PGAP4: variants seen among roughly 807,000 people sequenced by gnomAD.
The protein encoded by PGAP4 is post-GPI attachment to proteins GalNAc transferase 4.
PGAP4 carries 12 observed loss-of-function variants against 28.2 expected under a neutral mutation model. The ratio of observed to expected loss-of-function variants is 0.42; its 90% confidence interval spans 0.27 to 0.69. The LOEUF (loss-of-function observed/expected upper bound fraction) is 0.69. Ranked by LOEUF, PGAP4 falls within the 30% of genes least tolerant of loss-of-function variation. The pLI, the probability that PGAP4 is intolerant of heterozygous loss-of-function variation, is 0.22. For missense variants in PGAP4, 425 were observed against 513.5 expected, an observed-to-expected ratio of 0.83 and a Z score of 1.67; for synonymous variants, 205 against 211.8, an observed-to-expected ratio of 0.97 and a Z score of 0.28.
intron 2 of PGAP4, among the ~76,000 whole-genome samples, chr9:101,507,251 C>T (rs1826855623): frequency 6.6e-6 from 1 of 151,934 alleles, no homozygotes; most frequent in African/African-American, 2.4e-5. Context: ...AGGAGGTATC[C>T]CAACAGGACT....
At chr9:101,527,331 C>T (rs371565233) in intron 2 of PGAP4, among the ~76,000 whole-genome samples, 2 of 152,248 alleles carry the variant, frequency 1.3e-5, no homozygotes, top group East Asian at 3.9e-4. Flanking sequence ...GATTCCTGGC[C>T]GTATACTACT....
intron 2 of PGAP4, among the ~76,000 whole-genome samples, chr9:101,527,831 T>A (rs898526032): frequency 6.6e-6 from 1 of 152,210 alleles, no homozygotes; most frequent in Non-Finnish European, 1.5e-5. Flanking sequence ...GTTTTGCTAA[T>A]ATTAAGGCCC....
intron 2 of PGAP4, among the ~76,000 whole-genome samples, chr9:101,513,989 A>G (rs1826920709): frequency 6.6e-6 from 1 of 150,904 alleles, no homozygotes. Flanking sequence ...GGAGAGGGTA[A>G]GAGAAAGTTC....
At chr9:101,479,553 G>T (rs1293300590) in intron 1 of PGAP4, among the ~76,000 whole-genome samples, 1 of 152,154 alleles carries the variant, frequency 6.6e-6, no homozygotes, top group Non-Finnish European at 1.5e-5. Flanking sequence ...TCCTACTGGG[G>T]ACAATAAAAT....
intron 1 of PGAP4, among the ~76,000 whole-genome samples, chr9:101,484,826 T>C (rs1826576075): frequency 1.3e-5 from 2 of 152,160 alleles, no homozygotes; most frequent in African/African-American, 4.8e-5. Context: ...AAATGCAAAC[T>C]ATATCAGTGC....
At chr9:101,477,303 T>A in intron 1 of PGAP4, 134 bp from the exon 2 acceptor site, 2 of 539,628 alleles carry the variant, frequency 3.7e-6, no homozygotes, top group Non-Finnish European at 6.0e-6. Flanking sequence ...GCTCTGTAGC[T>A]TCTACAGACT....
chr9:101,512,255 T>C (rs752878441), intron 2 of PGAP4, among the ~76,000 whole-genome samples: 1 of 151,934 alleles, frequency 6.6e-6, no homozygotes, highest in South Asian at 2.1e-4. Flanking sequence ...AGCAAGATAA[T>C]CCTCACCCCG....
chr9:101,489,948 T>C (rs1826671712), upstream of PGAP4, among the ~76,000 whole-genome samples: 1 of 152,188 alleles, frequency 6.6e-6, no homozygotes, highest in Non-Finnish European at 1.5e-5. Flanking sequence ...TATTAATCGT[T>C]ACTATTACCC....
At chr9:101,499,653 G>T (rs77768111) in intron 2 of PGAP4, among the ~76,000 whole-genome samples, 1 of 152,030 alleles carries the variant, frequency 6.6e-6, no homozygotes, top group Non-Finnish European at 1.5e-5. Flanking sequence ...TTTTGCATAA[G>T]GTTGCAATGG....
intron 2 of PGAP4, among the ~76,000 whole-genome samples, chr9:101,516,370 T>C (rs181239941): frequency 8.5e-5 from 13 of 152,338 alleles, no homozygotes. Context: ...CTTCACCAGA[T>C]AGTTTAACAT....
chr9:101,489,180 C>T (rs1405019297), upstream of PGAP4: 2 of 152,004 alleles, frequency 1.3e-5, no homozygotes, highest in South Asian at 2.1e-4. Context: ...AGTCCATTCT[C>T]TTAATCAACA....
chr9:101,484,364 G>A (rs1406993795), intron 1 of PGAP4, among the ~76,000 whole-genome samples: 2 of 152,130 alleles, frequency 1.3e-5, no homozygotes, highest in African/African-American at 4.8e-5. Flanking sequence ...GATTTTTAGA[G>A]AATCATAAAA....
At position 101,530,121 on chromosome 9, in the gene PGAP4, A is replaced by G. The variant is rs181260872; in HGVS notation, c.-165+1227T>C. On this transcript the variant is annotated intron_variant, in intron 2 of 3. Coordinates refer to the PGAP4 transcript ENST00000374851. ...TTGTAAAGCAGTGTAGAAAAAAACA[A>G]TAAACAAAAATCCAAAATATCTTAA... is the stretch of plus-strand genomic sequence containing the variant. 2.6e-5 allele frequency among the ~76,000 whole-genome samples: 4 copies of G among 152,392 alleles called. No homozygotes were observed. The East Asian group carries it at 7.7e-4, about 29-fold the overall frequency.
chr9:101,507,454 T>C (rs543233712), intron 2 of PGAP4, among the ~76,000 whole-genome samples: 50 of 152,136 alleles, frequency 3.3e-4, no homozygotes, highest in Non-Finnish European at 6.5e-4. Context: ...TGCAGGTGTT[T>C]AGGTTTAGTT....
chr9:101,476,055 C>T lies in PGAP4; in HGVS notation c.1038G>A (p.Arg346=). ...ACACTTGGGACAGGTAGGTGAGGGT[C>T]CGGCGGGCCGCAGGTGCCGGGAAGA... is the stretch of plus-strand genomic sequence containing the variant. ...AMLFPAPAAR[R]TLTYLSQVYC... is the part of the protein sequence containing the mutation. The change falls in exon 2 of 2, where the codon CGG becomes CGA. Residue 346 remains arginine (R), a synonymous_variant. Transcript: ENST00000374848. This position sits in a 1 kb window ranked among gnomAD's most constrained non-coding sequence, Gnocchi z 7.0. The T allele has an allele frequency of 1.2e-6, 2 of 1,614,180 alleles. No homozygotes were observed. The highest frequency in any genetic ancestry group is 1.7e-6 in the Non-Finnish European group (2 of 1,180,036).
At position 101,476,571 on chromosome 9, in the gene PGAP4, A is replaced by G. The variant is rs1361743460; in HGVS notation, c.522T>C (p.Asp174=). The part of the protein sequence containing the change: ...VANRYEGTED[D]YGDDPSTNSF... ...AGTTGGTCGAAGGGTCATCACCATAATCATCCTCAGTGCCCTCATAGCGAT... is the reference window on the plus strand; with the variant it reads ...AGTTGGTCGAAGGGTCATCACCATAGTCATCCTCAGTGCCCTCATAGCGAT... Residue 174 remains aspartate, a synonymous_variant, in exon 2 of 2, where the codon GAT becomes GAC. Coordinates refer to ENST00000374848, the MANE Select transcript of PGAP4 (RefSeq NM_032342.3). The surrounding 1 kb of genome is among the most constrained non-coding windows in gnomAD (Gnocchi z 7.0). 2 of 1,613,984 alleles carry G rather than the reference A, an allele frequency of 1.2e-6. No homozygotes were observed. Among genetic ancestry groups the G allele is most frequent in the African/African-American group, 2.7e-5 (2 of 74,902 alleles).
intron 2 of PGAP4, among the ~76,000 whole-genome samples, chr9:101,504,982 C>G (rs976376041): frequency 6.6e-6 from 1 of 151,958 alleles, no homozygotes; most frequent in Non-Finnish European, 1.5e-5. Context: ...CTAGGTCACC[C>G]GCCAACCTCA....
rs535816868 is a variant in PGAP4 at position 101,525,586 on chromosome 9, AAT to A, written c.-165+5760_-165+5761del. On this transcript the variant is annotated intron_variant, in intron 2 of 3. Coordinates refer to the PGAP4 transcript ENST00000374851. ...GCCAGGTGTGGTGACAGGTGCCTGT[AAT>A]CTCAGCTACTCAGGAAGCTAAGGAA... Among the ~76,000 whole-genome samples the A allele has an allele frequency of 2.8e-3, 431 of 151,888 alleles. 8 individuals are homozygous for A. The highest frequency in any genetic ancestry group is 3.0e-3 in the Non-Finnish European group (204 of 67,944).
At chr9:101,510,726 G>C (rs539608028) in intron 2 of PGAP4, among the ~76,000 whole-genome samples, 1 of 152,250 alleles carries the variant, frequency 6.6e-6, no homozygotes. Flanking sequence ...TACCAAAACT[G>C]TGACTGTGAC....
Sources: gnomAD v4.1 joint callset for allele counts (sites outside exome capture counted in the v4.1 genomes callset) on GRCh38, gnomAD v4.1.1 for gene constraint, Gnocchi (gnomAD v3.1) non-coding constraint, MANE v1.5 for transcripts, NCBI Gene and HGNC (gene_info 2026-07-23, HGNC 2026-07-21) for gene names.